The following BMPR1B variants were observed in gnomAD, a reference collection of about 807,000 sequenced individuals.
The protein encoded by BMPR1B is bone morphogenetic protein receptor type 1B, also known as bone morphogenetic protein receptor type-1B.
A neutral mutation model predicts 59.1 loss-of-function variants in BMPR1B; 12 were observed. The observed-to-expected ratio is 0.20, with a 90% CI of 0.13 to 0.33. The LOEUF is 0.33. BMPR1B is among the 10% of genes least tolerant of loss of function. The pLI, the probability that BMPR1B is intolerant of heterozygous loss-of-function variation, is 1.00. For synonymous variants in BMPR1B, 237 were observed against 207.3 expected, an observed-to-expected ratio of 1.14 and a Z score of -1.23; for missense variants, 550 against 610.9, an observed-to-expected ratio of 0.90 and a Z score of 1.05.
At chr4:94,880,530 G>T (rs1408042152) in intron 2 of BMPR1B, among the ~76,000 whole-genome samples, 1 of 151,904 alleles carries the variant, frequency 6.6e-6, no homozygotes, top group African/African-American at 2.4e-5. Context: ...GTACGGTGTT[G>T]CCCAGGCTGG....
intron 3 of BMPR1B, among the ~76,000 whole-genome samples, chr4:95,071,661 T>C (rs1268100560): frequency 1.4e-5 from 2 of 142,110 alleles, no homozygotes; most frequent in African/African-American, 2.6e-5. Flanking sequence ...TGTATATATA[T>C]ATATATATAT....
chr4:95,136,128 T>G (rs1373247547), intron 10 of BMPR1B, among the ~76,000 whole-genome samples: 1 of 152,104 alleles, frequency 6.6e-6, no homozygotes, highest in Non-Finnish European at 1.5e-5. Flanking sequence ...GATCATGTGG[T>G]TTTTGTCTTT....
At chr4:94,947,983 A>T (rs887477448) in intron 2 of BMPR1B, among the ~76,000 whole-genome samples, 2 of 152,176 alleles carry the variant, frequency 1.3e-5, no homozygotes, top group Non-Finnish European at 2.9e-5. Context: ...GACTGCTATT[A>T]TGTGTTAAGT....
chr4:94,761,936 A>G (rs1022747884), intron 1 of BMPR1B, among the ~76,000 whole-genome samples: 3 of 152,218 alleles, frequency 2.0e-5, no homozygotes, highest in African/African-American at 7.2e-5. Context: ...AGTCGCTTAT[A>G]TGACTTAATA....
intron 2 of BMPR1B, among the ~76,000 whole-genome samples, chr4:94,894,831 T>G (rs1341178450): frequency 6.6e-6 from 1 of 151,978 alleles, no homozygotes; most frequent in Non-Finnish European, 1.5e-5. Flanking sequence ...TAGTTTGTTT[T>G]TTTTTTCTTT....
chr4:95,107,889 G>A (rs1731305448), intron 4 of BMPR1B, among the ~76,000 whole-genome samples: 2 of 151,982 alleles, frequency 1.3e-5, no homozygotes, highest in Admixed American at 1.3e-4. Context: ...TCAGTCATAT[G>A]TGACTCACAG....
At chr4:95,120,435 A>G (rs1732389437) in intron 6 of BMPR1B, among the ~76,000 whole-genome samples, 1 of 152,214 alleles carries the variant, frequency 6.6e-6, no homozygotes, top group Non-Finnish European at 1.5e-5. Flanking sequence ...GACCAGAGAA[A>G]GAAATAAAAG....
intron 3 of BMPR1B, among the ~76,000 whole-genome samples, chr4:95,077,957 G>A (rs1427481974): frequency 2.0e-5 from 3 of 152,174 alleles, no homozygotes; most frequent in Non-Finnish European, 4.4e-5. Context: ...CATCTATGTA[G>A]CACTTGGAAA....
At chr4:95,151,167 T>C (rs2149328689) in intron 11 of BMPR1B, among the ~76,000 whole-genome samples, 1 of 152,320 alleles carries the variant, frequency 6.6e-6, no homozygotes, top group East Asian at 1.9e-4. Context: ...CAAACAGAGT[T>C]AAATGGCAGC....
chr4:94,759,910 CTG>C (rs1560802391), intron 1 of BMPR1B, among the ~76,000 whole-genome samples: 1 of 152,202 alleles, frequency 6.6e-6, no homozygotes, highest in Non-Finnish European at 1.5e-5. Flanking sequence ...CTGATTTTCA[CTG>C]TTTTCTTTAG....
chr4:95,123,211 A>G (rs912801392), intron 6 of BMPR1B, among the ~76,000 whole-genome samples: 2 of 152,164 alleles, frequency 1.3e-5, no homozygotes, highest in African/African-American at 4.8e-5. Flanking sequence ...GAACATATAC[A>G]TTCTTTTAAA....
intron 3 of BMPR1B, among the ~76,000 whole-genome samples, chr4:95,074,798 A>T (rs888044734): frequency 1.3e-5 from 2 of 152,064 alleles, no homozygotes; most frequent in Admixed American, 6.6e-5. Flanking sequence ...TTAAAAAAAA[A>T]CCTGGACCTG....
intron 2 of BMPR1B, among the ~76,000 whole-genome samples, chr4:94,908,061 T>TAAAAAAAAAAAAAAA (rs571793477): frequency 1.6e-3 from 73 of 46,258 alleles, no homozygotes; most frequent in African/African-American, 1.9e-3. Flanking sequence ...ACCCTGTCTT[T>TAAAAAAAAAAAAAAA]AAAAAAAAAA....
intron 3 of BMPR1B, among the ~76,000 whole-genome samples, chr4:95,023,427 C>A (rs1578944688): frequency 6.6e-6 from 1 of 152,080 alleles, no homozygotes; most frequent in Non-Finnish European, 1.5e-5. Flanking sequence ...TGTCATCCAG[C>A]CTAGAGTGCA....
intron 1 of BMPR1B, among the ~76,000 whole-genome samples, chr4:94,865,591 C>T (rs767872646): frequency 6.6e-6 from 1 of 152,002 alleles, no homozygotes; most frequent in Non-Finnish European, 1.5e-5. Context: ...TGGGGTTTCA[C>T]TATATTGGCC....
intron 1 of BMPR1B, among the ~76,000 whole-genome samples, chr4:94,782,314 A>C (rs1490191463): frequency 7.9e-6 from 1 of 126,462 alleles, no homozygotes; most frequent in Non-Finnish European, 1.6e-5. Context: ...TATACTTTTA[A>C]TTTTTTAATG....
At position 95,104,536 on chromosome 4, in the gene BMPR1B, T is replaced by G; in HGVS notation, c.112T>G (p.Cys38Gly). The G allele has an allele frequency of 6.2e-7, 1 of 1,613,470 alleles. No homozygotes were observed. Among genetic ancestry groups the G allele is most frequent in the South Asian group, 1.1e-5 (1 of 91,060 alleles). ...KVLRCKCHHH[C>G]PEDSVNNICS... is the part of the protein sequence containing the mutation. ...CTTGCGTTGTAAATGCCACCACCAT[T>G]GTCCAGAAGACTCAGTCAACAATAT... The change falls in exon 4 of 13, where the codon TGT becomes GGT. Residue 38 changes from cysteine to glycine, a missense_variant. Physicochemically the swap from Cys to Gly is radical, Grantham distance 159. Transcript: ENST00000515059.
At chr4:95,115,875 C>A in intron 6 of BMPR1B, 88 bp downstream of exon 6, 1 of 1,203,628 alleles carries the variant, frequency 8.3e-7, no homozygotes, top group Non-Finnish European at 1.2e-6. Context: ...CTCAATCTAC[C>A]TGTACCACTT....
At chr4:94,783,454 T>C (rs934354161) in intron 1 of BMPR1B, among the ~76,000 whole-genome samples, 12 of 152,250 alleles carry the variant, frequency 7.9e-5, no homozygotes, top group African/African-American at 2.7e-4. Context: ...ACTTCCCTTA[T>C]ACTCTGCTGT....
Sources: gnomAD v4.1 joint callset for allele counts (sites outside exome capture counted in the v4.1 genomes callset) on GRCh38, gnomAD v4.1.1 for gene constraint, MANE v1.5 for transcripts, NCBI Gene and HGNC (gene_info 2026-07-23, HGNC 2026-07-21) for gene names.